SYT1: variants seen among roughly 807,000 people sequenced by gnomAD.
SYT1 encodes synaptotagmin 1, also known as synaptotagmin-1.
In SYT1, 8 loss-of-function variants were observed where a neutral mutation model predicts 44.8. That is an observed-to-expected ratio of 0.18 (90% CI 0.10 to 0.32). The LOEUF is 0.32. Among genes scored for constraint, SYT1 ranks in the 10% least tolerant of loss-of-function variants. SYT1 has a pLI of 1.00. For missense variants in SYT1, 286 were observed against 509.3 expected (o/e 0.56, Z 4.22); for synonymous variants, 154 against 188.8 (o/e 0.82, Z 1.51).
intron 9 of SYT1, 30 bp from the exon 10 acceptor site, chr12:79,444,040 TCTC>T (rs1315805132): frequency 1.2e-6 from 2 of 1,608,452 alleles, no homozygotes; most frequent in Non-Finnish European, 1.7e-6. Flanking sequence ...GTGTCTCTGA[TCTC>T]CTAAAGTTTG....
chr12:78,929,017 TG>T (rs1877464444), intron 1 of SYT1, among the ~76,000 whole-genome samples: 1 of 152,012 alleles, frequency 6.6e-6, no homozygotes. Flanking sequence ...AACTTAAGAT[TG>T]TTAACTAAAA....
At position 79,397,159 on chromosome 12, in the gene SYT1, G is replaced by A. The variant is rs546674210; in HGVS notation, c.928+43540G>A. Among the ~76,000 whole-genome samples, 107 of 152,314 alleles carry A rather than the reference G, an allele frequency of 7.0e-4. 1 individual carries two copies. Among genetic ancestry groups the A allele is most frequent in the African/African-American group, 2.4e-3 (101 of 41,574 alleles). On this transcript the variant is annotated intron_variant, in intron 9 of 10. Coordinates refer to ENST00000261205, the MANE Select transcript of SYT1 (RefSeq NM_005639.3). ...CAGAGGCAGGCAGGAACCAGCTGGTGTAGAGGTTTGGAGGCCACTGGAAGG... is the reference window on the plus strand; with the variant it reads ...CAGAGGCAGGCAGGAACCAGCTGGTATAGAGGTTTGGAGGCCACTGGAAGG...
intron 1 of SYT1, among the ~76,000 whole-genome samples, chr12:78,931,483 AAGAG>A (rs1369035792): frequency 5.9e-5 from 9 of 151,794 alleles, no homozygotes. Context: ...GAAAGAAAGA[AAGAG>A]AAAGAGTTAG....
intron 1 of SYT1, among the ~76,000 whole-genome samples, chr12:78,950,679 A>T (rs1878918460): frequency 6.6e-6 from 1 of 152,140 alleles, no homozygotes; most frequent in Non-Finnish European, 1.5e-5. Context: ...CAGGTCAACA[A>T]ACTGCAGGAA....
chr12:79,409,365 A>C (rs893491126), intron 9 of SYT1, among the ~76,000 whole-genome samples: 12 of 152,142 alleles, frequency 7.9e-5, no homozygotes, highest in Non-Finnish European at 1.3e-4. Context: ...AATTTGAAAA[A>C]AGGTATGTCT....
chr12:79,317,326 A>G (rs1314404622), intron 8 of SYT1, among the ~76,000 whole-genome samples: 1 of 152,202 alleles, frequency 6.6e-6, no homozygotes, highest in Admixed American at 6.5e-5. Context: ...ATGCAAAACA[A>G]CTTCCGGCAC....
chr12:79,180,665 C>T (rs1178780881), intron 3 of SYT1, among the ~76,000 whole-genome samples: 3 of 151,664 alleles, frequency 2.0e-5, no homozygotes, highest in African/African-American at 7.3e-5. Context: ...GGGGGAGGTG[C>T]CACACACTTT....
At chr12:79,082,853 A>G (rs987733712) in intron 3 of SYT1, among the ~76,000 whole-genome samples, 1 of 152,174 alleles carries the variant, frequency 6.6e-6, no homozygotes, top group African/African-American at 2.4e-5. Flanking sequence ...TATATGAGCT[A>G]AACCTGCCTG....
chr12:79,179,488 T>TATAGATATAGAG (rs1565842371), intron 3 of SYT1, among the ~76,000 whole-genome samples: 8 of 125,790 alleles, frequency 6.4e-5, no homozygotes, highest in East Asian at 2.1e-4. Context: ...GAGATATAGA[T>TATAGATATAGAG]ATATCTATAT....
intron 3 of SYT1, 83 bp downstream of exon 3, chr12:79,047,445 T>C (rs1433346712): frequency 2.6e-5 from 4 of 151,884 alleles, no homozygotes; most frequent in African/African-American, 9.7e-5. Context: ...TACTAACTTC[T>C]ATTTTCTAAG....
intron 4 of SYT1, among the ~76,000 whole-genome samples, chr12:79,241,334 G>A (rs1030908224): frequency 4.6e-5 from 7 of 151,832 alleles, no homozygotes; most frequent in African/African-American, 1.5e-4. Context: ...GCAGTGGCAC[G>A]ATCTCGGCTC....
intron 2 of SYT1, chr12:79,045,656 A>G (rs753059439): frequency 6.6e-6 from 1 of 152,226 alleles, no homozygotes; most frequent in Non-Finnish European, 1.5e-5. Context: ...TGATTCTACC[A>G]CCAAGAATAA....
intron 1 of SYT1, among the ~76,000 whole-genome samples, chr12:78,867,465 T>G (rs1293958504): frequency 6.6e-6 from 1 of 152,070 alleles, no homozygotes; most frequent in African/African-American, 2.4e-5. Context: ...GGGAGAGACC[T>G]TACATGATAT....
chr12:79,243,889 G>A (rs976299194), intron 4 of SYT1, among the ~76,000 whole-genome samples: 2 of 151,448 alleles, frequency 1.3e-5, no homozygotes, highest in Non-Finnish European at 2.9e-5. Context: ...AGGAAGGAAG[G>A]CAGGAAGGAA....
At chr12:79,099,258 T>G (rs958146389) in intron 3 of SYT1, among the ~76,000 whole-genome samples, 2 of 152,100 alleles carry the variant, frequency 1.3e-5, no homozygotes, top group Non-Finnish European at 2.9e-5. Flanking sequence ...CCTCAACTAA[T>G]ACATTGAGAA....
chr12:79,409,013 A>G (rs1032664512), intron 9 of SYT1, among the ~76,000 whole-genome samples: 1 of 152,076 alleles, frequency 6.6e-6, no homozygotes, highest in African/African-American at 2.4e-5. Flanking sequence ...TCATCGGGCC[A>G]GCATTACATT....
chr12:79,369,537 G>C (rs1160575515), intron 9 of SYT1, among the ~76,000 whole-genome samples: 1 of 152,170 alleles, frequency 6.6e-6, no homozygotes, highest in Non-Finnish European at 1.5e-5. Flanking sequence ...TCCATATTGA[G>C]ATTAAGGGCT....
intron 1 of SYT1, among the ~76,000 whole-genome samples, chr12:78,949,566 G>GA (rs1878853999): frequency 6.6e-6 from 1 of 151,314 alleles, no homozygotes; most frequent in African/African-American, 2.4e-5. Flanking sequence ...CTATATTCCA[G>GA]AAAATCACTG....
intron 1 of SYT1, among the ~76,000 whole-genome samples, chr12:78,878,018 C>T (rs1874266121): frequency 6.6e-6 from 1 of 151,792 alleles, no homozygotes; most frequent in Non-Finnish European, 1.5e-5. Flanking sequence ...ATGAATCTAG[C>T]ACCAATGCTG....
Sources: allele counts gnomAD v4.1 joint callset (sites outside exome capture counted in the v4.1 genomes callset), GRCh38; gene constraint gnomAD v4.1.1; transcripts MANE v1.5; gene names NCBI Gene and HGNC (gene_info 2026-07-23, HGNC 2026-07-21).